The following CHRFAM7A variants were observed in gnomAD, a reference collection of about 807,000 sequenced individuals.
The protein encoded by CHRFAM7A is CHRNA7-FAM7A fusion protein.
A neutral mutation model predicts 29.2 loss-of-function variants in CHRFAM7A; 3 were observed. The observed-to-expected ratio is 0.10, with a 90% CI of 0.05 to 0.27. CHRFAM7A has a LOEUF of 0.27. Among genes scored for constraint, CHRFAM7A ranks in the 10% least tolerant of loss-of-function variants. The pLI is 1.00. For synonymous variants in CHRFAM7A, 7 were observed against 135.4 expected (o/e 0.05, Z 6.58); for missense variants, 22 against 328.0 (o/e 0.07, Z 7.21).
intron 8 of CHRFAM7A, 86 bp from the exon 9 acceptor site, chr15:30,367,613 T>A: frequency 6.7e-7 from 1 of 1,495,232 alleles, no homozygotes; most frequent in Non-Finnish European, 9.2e-7. Context: ...TCAGGTTCTC[T>A]GACCGTCAGG....
chr15:30,375,852 GTGAGTGGT>G, intron 5 of CHRFAM7A, among the ~76,000 whole-genome samples: 1 of 120,212 alleles, frequency 8.3e-6, no homozygotes, highest in Admixed American at 7.9e-5. Flanking sequence ...TGGGTGGTAT[GTGAGTGGT>G]TGTGTGAGTG....
rs563703868 is a variant in CHRFAM7A, at chr15:30,377,548, C to A, written c.81-439G>T. 3.7e-4 allele frequency among the ~76,000 whole-genome samples: 48 copies of A among 128,260 alleles called. No homozygotes were observed. The South Asian group carries it at 0.013, about 34-fold the overall frequency. 84.1% of individuals were successfully genotyped at this position (128,260 alleles called of 152,430 possible). Reference sequence around the variant, plus strand: ...TAGTTCCAGCCTCTTGAAGCGGACCCACACTTGGTTTGTGCTTCACATATA... The same window carrying A: ...TAGTTCCAGCCTCTTGAAGCGGACCAACACTTGGTTTGTGCTTCACATATA... On this transcript the variant is annotated intron_variant, in intron 4 of 9. Coordinates refer to ENST00000299847, the MANE Select transcript of CHRFAM7A (RefSeq NM_139320.2).
At chr15:30,368,954 C>CTG (rs1201696773) in intron 8 of CHRFAM7A, among the ~76,000 whole-genome samples, 1 of 132,258 alleles carries the variant, frequency 7.6e-6, no homozygotes, top group Non-Finnish European at 1.6e-5. Context: ...AGTGAACTCA[C>CTG]TGTAGGACGC....
intron 8 of CHRFAM7A, 61 bp from the exon 9 acceptor site, chr15:30,367,588 A>G (rs1359798670): frequency 1.3e-6 from 2 of 1,562,082 alleles, no homozygotes; most frequent in East Asian, 4.6e-5. Flanking sequence ...ACGTCACAGG[A>G]CAGGCACACC....
At chr15:30,374,683 A>G (rs2058902762) in intron 5 of CHRFAM7A, among the ~76,000 whole-genome samples, 1 of 113,770 alleles carries the variant, frequency 8.8e-6, no homozygotes. Flanking sequence ...TAATGGTTGC[A>G]TAAGTCTGTA....
chr15:30,363,228 G>A (rs1469034619), intron 9 of CHRFAM7A, among the ~76,000 whole-genome samples: 1 of 144,136 alleles, frequency 6.9e-6, no homozygotes, highest in Admixed American at 6.9e-5. Flanking sequence ...CTGCAAATTC[G>A]CAAAGAGTGT....
At chr15:30,375,716 TGA>T (rs1214900790) in intron 5 of CHRFAM7A, among the ~76,000 whole-genome samples, 10 of 142,810 alleles carry the variant, frequency 7.0e-5, no homozygotes, top group Non-Finnish European at 1.5e-4. Flanking sequence ...GTGGTTTGTG[TGA>T]GTGGTATGTG....
chr15:30,371,708 A>G (rs1178112967), intron 7 of CHRFAM7A, among the ~76,000 whole-genome samples: 1 of 146,614 alleles, frequency 6.8e-6, no homozygotes, highest in Non-Finnish European at 1.5e-5. Flanking sequence ...TCATTCCACC[A>G]TTCAAAATCT....
intron 5 of CHRFAM7A, among the ~76,000 whole-genome samples, chr15:30,376,124 G>GGT (rs112532606): frequency 0.91 from 134,461 of 147,734 alleles, 60,999 homozygotes; most frequent in Non-Finnish European, 0.99. Context: ...AGTACTGAGT[G>GGT]GTGTGTGTGT....
Position 30,361,996 on chromosome 15 carries a change from T to TAAAAAA in CHRFAM7A, c.*296_*297insTTTTTT. 0.037 allele frequency: 148 copies of TAAAAAA among 4,036 alleles called. No individual in the cohort carries two copies. Among genetic ancestry groups the TAAAAAA allele is most frequent in the Non-Finnish European group, 0.065 (115 of 1,766 alleles). 0.3% of individuals were successfully genotyped at this position (4,036 alleles called of 1,614,324 possible). On this transcript the variant is annotated 3_prime_UTR_variant, in exon 10 of 10. Coordinates refer to ENST00000299847, the MANE Select transcript of CHRFAM7A (RefSeq NM_139320.2). ...TCGGTGGTGAGGAGCCATGGGGAGCTCTCCGAAGGGCTTTCCAGGCAGTGG... is the reference window on the plus strand; with the variant it reads ...TCGGTGGTGAGGAGCCATGGGGAGCTAAAAAACTCCGAAGGGCTTTCCAGGCAGTGG...
chr15:30,362,978 C>T (rs2058756960), intron 9 of CHRFAM7A, among the ~76,000 whole-genome samples, 167 bp from the exon 10 acceptor site: 1 of 151,122 alleles, frequency 6.6e-6, no homozygotes, highest in South Asian at 2.1e-4. Context: ...GTATGACAAG[C>T]AGTCGAGTTC....
At position 30,383,332 on chromosome 15, in the gene CHRFAM7A, T is replaced by G; in HGVS notation, c.20A>C (p.Tyr7Ser). 1 of 792,292 alleles carries G rather than the reference T, an allele frequency of 1.3e-6. No individual in the cohort carries two copies. The highest frequency in any genetic ancestry group is 1.9e-6 in the Non-Finnish European group (1 of 527,374). The allele number at this position is 792,292 out of a possible 1,614,324, so 49.1% of individuals were successfully genotyped here. A position where few individuals can be genotyped will look rare whatever the true frequency, so the allele number is the denominator to read the frequency against. The change falls in exon 3 of 10, where the codon TAC becomes TCC. Residue 7 changes from tyrosine to serine, a missense_variant. Tyr to Ser is a moderately radical substitution (Grantham distance 144). Transcript: ENST00000299847. Reference protein sequence around the residue: MQKYCIYQHFQFQLLIQ... With the variant: MQKYCISQHFQFQLLIQ... ...TTATGATCCTACCTGAAAATGCTGG[T>G]AGATGCAATATTTTTGCATCAAATT...
intron 7 of CHRFAM7A, among the ~76,000 whole-genome samples, chr15:30,371,594 C>A (rs1378218630): frequency 1.0e-4 from 15 of 149,952 alleles, no homozygotes; most frequent in Non-Finnish European, 3.0e-5. Flanking sequence ...TTAGATACAA[C>A]ATTCAACCTT....
Position 30,361,230 on chromosome 15 carries a change from TC to T in CHRFAM7A, c.*1062del, listed in dbSNP as rs2058739404. 3.1e-5 allele frequency: 1 copy of T among 31,836 alleles called. No homozygotes were observed. The highest frequency in any genetic ancestry group is 1.5e-3 in the South Asian group (1 of 684). 2.0% of individuals were successfully genotyped at this position (31,836 alleles called of 1,614,324 possible). A position where few individuals can be genotyped will look rare whatever the true frequency, so the allele number is the denominator to read the frequency against. On this transcript the variant is annotated 3_prime_UTR_variant, in exon 10 of 10. Transcript: ENST00000299847. ...AGAAGGGATGGGCCACACCATCCCC[TC>T]CCTGGCGCCTGCCATACTGGGGACC...
chr15:30,371,314 GT>G, intron 7 of CHRFAM7A, 130 bp from the exon 8 acceptor site: 1 of 851,714 alleles, frequency 1.2e-6, no homozygotes. Context: ...TGGAATGCAC[GT>G]TTTCCCTATG....
chr15:30,369,272 T>C (rs1246200326), intron 8 of CHRFAM7A, among the ~76,000 whole-genome samples: 2 of 149,958 alleles, frequency 1.3e-5, no homozygotes, highest in Non-Finnish European at 3.0e-5. Flanking sequence ...GAGAAATAAA[T>C]GTCTGTTGCT....
At chr15:30,363,294 G>A (rs1163534325) in intron 9 of CHRFAM7A, among the ~76,000 whole-genome samples, 17 of 148,342 alleles carry the variant, frequency 1.1e-4, no homozygotes, top group African/African-American at 4.0e-4. Context: ...GAGACACCAG[G>A]TAAACTTGAA....
chr15:30,373,523 GGTGTGT>G (rs141612625), intron 5 of CHRFAM7A, among the ~76,000 whole-genome samples: 32 of 114,392 alleles, frequency 2.8e-4, no homozygotes, highest in South Asian at 1.4e-3. Flanking sequence ...GAATCTAAAA[GGTGTGT>G]GTGTGTGTGT....
chr15:30,376,130 TGTGTGTGAGGTGTGTGTGAGTG>T (rs2058933015), intron 5 of CHRFAM7A, among the ~76,000 whole-genome samples: 1 of 149,204 alleles, frequency 6.7e-6, no homozygotes, highest in African/African-American at 2.5e-5. Context: ...GAGTGGTGTG[TGTGTGTGAGGTGTGTGTGAGTG>T]GTGTGTGTGA....
Sources: gnomAD v4.1 joint callset for allele counts (sites outside exome capture counted in the v4.1 genomes callset) on GRCh38, gnomAD v4.1.1 for gene constraint, MANE v1.5 for transcripts, NCBI Gene and HGNC (gene_info 2026-07-23, HGNC 2026-07-21) for gene names.